Variants in REDIC1 observed in about 807,000 individuals in gnomAD.
REDIC1 encodes the protein regulator of DNA class I crossover intermediates 1, also known as HEI10 Interacting Protein 1.
the REDIC1 span, among the ~76,000 whole-genome samples, chr12:39,649,850 A>G: frequency 6.6e-6 from 1 of 152,000 alleles, no homozygotes; most frequent in African/African-American, 2.4e-5. Flanking sequence ...TTACTCAGTA[A>G]ATGGAACAAC....
chr12:39,702,741 G>C, the REDIC1 span, among the ~76,000 whole-genome samples: 2 of 152,154 alleles, frequency 1.3e-5, no homozygotes, highest in African/African-American at 4.8e-5. Flanking sequence ...CCACCATGAT[G>C]AAGTGGACTT....
the REDIC1 span, among the ~76,000 whole-genome samples, chr12:39,763,647 C>G: frequency 4.6e-5 from 7 of 152,020 alleles, no homozygotes; most frequent in Admixed American, 2.0e-4. Context: ...GAGAGAAGCT[C>G]TTCTGGGAGA....
the REDIC1 span, among the ~76,000 whole-genome samples, chr12:39,752,596 G>T: frequency 0.82 from 125,005 of 152,080 alleles, 51,565 homozygotes; most frequent in Non-Finnish European, 0.84. Flanking sequence ...ATGTATTCGG[G>T]TGAAAGGCAT....
the REDIC1 span, chr12:39,683,223 C>A: frequency 7.4e-7 from 1 of 1,350,054 alleles, no homozygotes; most frequent in Non-Finnish European, 1.0e-6. Flanking sequence ...TTCATACACA[C>A]ACATCTATAT....
chr12:39,650,639 C>G, the REDIC1 span, among the ~76,000 whole-genome samples: 1 of 152,130 alleles, frequency 6.6e-6, no homozygotes, highest in African/African-American at 2.4e-5. This position sits in a 1 kb window ranked among gnomAD's most constrained non-coding sequence, Gnocchi z 4.3. Context: ...GTACAATTAT[C>G]TTAGCTCGCT....
chr12:39,765,927 T>G, the REDIC1 span, among the ~76,000 whole-genome samples: 1 of 152,090 alleles, frequency 6.6e-6, no homozygotes, highest in Non-Finnish European at 1.5e-5. Flanking sequence ...CTTCTCTGTG[T>G]CCATGTGTTC....
At chr12:39,802,138 C>G in the REDIC1 span, 1 of 152,206 alleles carries the variant, frequency 6.6e-6, no homozygotes, top group Admixed American at 6.6e-5. Context: ...GGTGTGTAAT[C>G]TTTGCGACTG....
chr12:39,717,161 TAC>T, the REDIC1 span, among the ~76,000 whole-genome samples: 9 of 149,600 alleles, frequency 6.0e-5, no homozygotes, highest in Admixed American at 6.7e-5. Flanking sequence ...TATACACACA[TAC>T]ACACACACAC....
At chr12:39,868,659 A>G in the REDIC1 span, among the ~76,000 whole-genome samples, 2 of 152,208 alleles carry the variant, frequency 1.3e-5, no homozygotes, top group Non-Finnish European at 2.9e-5. Context: ...GGGGAAAAAC[A>G]CAATCTTTCT....
chr12:39,764,446 AAAT>A, the REDIC1 span: 6 of 1,545,458 alleles, frequency 3.9e-6, no homozygotes, highest in East Asian at 2.3e-5. Context: ...ATGTTAGAAA[AAAT>A]ATTATCTTAC....
chr12:39,646,367 G>A, the REDIC1 span: 3 of 1,419,810 alleles, frequency 2.1e-6, no homozygotes, highest in Non-Finnish European at 2.8e-6. Flanking sequence ...CATGAATAGA[G>A]ACATAAAAAT....
At chr12:39,692,867 A>T in the REDIC1 span, among the ~76,000 whole-genome samples, 2 of 152,182 alleles carry the variant, frequency 1.3e-5, no homozygotes, top group East Asian at 3.9e-4. Flanking sequence ...GTAATGCTAA[A>T]TTATTTTCCT....
At chr12:39,752,545 A>AAAT in the REDIC1 span, among the ~76,000 whole-genome samples, 1 of 152,178 alleles carries the variant, frequency 6.6e-6, no homozygotes, top group African/African-American at 2.4e-5. Flanking sequence ...AATAGTCTTC[A>AAAT]AATAATGATA....
At chr12:39,877,421 C>A in the REDIC1 span, among the ~76,000 whole-genome samples, 2 of 152,188 alleles carry the variant, frequency 1.3e-5, no homozygotes, top group African/African-American at 4.8e-5. Flanking sequence ...TCAATTACCT[C>A]CCATTGAGTC....
chr12:39,717,303 C>T, the REDIC1 span, among the ~76,000 whole-genome samples: 6 of 151,718 alleles, frequency 4.0e-5, no homozygotes, highest in Non-Finnish European at 8.8e-5. Flanking sequence ...AGAATCCTTA[C>T]TGATAACATA....
chr12:39,721,149 A>G, the REDIC1 span: 3 of 1,613,610 alleles, frequency 1.9e-6, no homozygotes, highest in Non-Finnish European at 1.7e-6. Flanking sequence ...TAATTTCAAA[A>G]TGTACATGTA....
At chr12:39,736,683 C>T in the REDIC1 span, 13 of 152,238 alleles carry the variant, frequency 8.5e-5, no homozygotes, top group Non-Finnish European at 1.6e-4. Flanking sequence ...GATAGAATTT[C>T]CAGCTGGCAT....
chr12:39,821,768 A>G, the REDIC1 span, among the ~76,000 whole-genome samples: 4 of 152,344 alleles, frequency 2.6e-5, no homozygotes, highest in African/African-American at 9.6e-5. Flanking sequence ...TTCCTTGGCC[A>G]GAACAGCTCA....
chr12:39,711,329 G>A, the REDIC1 span, among the ~76,000 whole-genome samples: 2 of 142,538 alleles, frequency 1.4e-5, no homozygotes, highest in Non-Finnish European at 3.1e-5. Flanking sequence ...TATATGTATA[G>A]ATCACATATA....
Sources: allele counts gnomAD v4.1 joint callset (sites outside exome capture counted in the v4.1 genomes callset), GRCh38; gene constraint gnomAD v4.1.1; non-coding constraint Gnocchi (gnomAD v3.1); transcripts MANE v1.5; gene names NCBI Gene and HGNC (gene_info 2026-07-23, HGNC 2026-07-21).